The following ZNF100 variants were observed in gnomAD, a reference collection of about 807,000 sequenced individuals.
ZNF100 encodes the protein zinc finger protein 100, also known as zinc finger protein 100 (Y1).
A neutral mutation model predicts 15.8 loss-of-function variants in ZNF100; 12 were observed. The ratio of observed to expected loss-of-function variants is 0.76; its 90% CI spans 0.49 to 1.23. The LOEUF is 1.23. Ranked by LOEUF, ZNF100 falls within the 50% of genes most tolerant of loss-of-function variation. ZNF100 has a pLI of 0.00. For missense variants in ZNF100, 670 were observed against 635.6 expected (o/e 1.05, Z -0.58); for synonymous variants, 226 against 214.8 (o/e 1.05, Z -0.45).
rs2036549073 is a variant in ZNF100 at position 21,765,780 on chromosome 19, G to C, written c.10C>G (p.Pro4Ala). ...TTGAGAGGACACATTCCATACCTCG[G>C]GTCATCCTACGGGAGAAAATAAACC... MDD[P>A]RYGMCPLKGA... The change falls in exon 2 of 5, where the codon CCG (proline) becomes GCG (alanine). Residue 4 changes from proline (P) to alanine (A), a missense_variant. Transcript: ENST00000358296. The C allele has an allele frequency of 6.2e-7, 1 of 1,614,008 alleles. No individual in the cohort carries two copies. Among genetic ancestry groups the C allele is most frequent in the African/African-American group, 1.3e-5 (1 of 75,014 alleles).
rs532462283 is a variant in ZNF100, at chr19:21,740,754, T to C, written c.322+3263A>G. On this transcript the variant is annotated intron_variant, in intron 4 of 4. Transcript: ENST00000358296. ...CTCACATCCATTACAATGGCCACTATAAATTTTTTAAAGACGCCAACTCTG... is the reference window on the plus strand; with the variant it reads ...CTCACATCCATTACAATGGCCACTACAAATTTTTTAAAGACGCCAACTCTG... Among the ~76,000 whole-genome samples, 21 of 152,268 alleles carry C rather than the reference T, an allele frequency of 1.4e-4. 1 individual carries two copies. Among genetic ancestry groups the C allele is most frequent in the East Asian group, 1.2e-3 (6 of 5,156 alleles).
chr19:21,736,330 C>T (rs2036008460), intron 4 of ZNF100, among the ~76,000 whole-genome samples: 1 of 152,168 alleles, frequency 6.6e-6, no homozygotes, highest in Non-Finnish European at 1.5e-5. Context: ...GGGGATCTGC[C>T]TGCCTTGGCC....
At chr19:21,764,498 C>T (rs1253967213) in intron 2 of ZNF100, among the ~76,000 whole-genome samples, 2 of 151,880 alleles carry the variant, frequency 1.3e-5, no homozygotes, top group African/African-American at 4.8e-5. Context: ...AAAAATTAGC[C>T]GGGCATAGTG....
chr19:21,733,441 GATTAC>G (rs764070685), intron 4 of ZNF100, among the ~76,000 whole-genome samples: 101 of 152,064 alleles, frequency 6.6e-4, no homozygotes, highest in Non-Finnish European at 1.1e-3. Context: ...ATTTCAAGAT[GATTAC>G]ATTATACTTC....
chr19:21,737,646 T>C (rs1321364787), intron 4 of ZNF100, among the ~76,000 whole-genome samples: 1 of 149,658 alleles, frequency 6.7e-6, no homozygotes, highest in East Asian at 2.0e-4. Context: ...GATAAATTAC[T>C]GGACATCTAC....
At chr19:21,735,932 G>A (rs1342738852) in intron 4 of ZNF100, among the ~76,000 whole-genome samples, 1 of 152,050 alleles carries the variant, frequency 6.6e-6, no homozygotes, top group Non-Finnish European at 1.5e-5. Flanking sequence ...GGGACTACAG[G>A]TGCCCGCCAC....
chr19:21,759,130 A>T (rs1441773953), intron 2 of ZNF100, among the ~76,000 whole-genome samples: 2 of 152,162 alleles, frequency 1.3e-5, no homozygotes, highest in African/African-American at 4.8e-5. Flanking sequence ...CAAACCCCAT[A>T]GGCCCATCTA....
At position 21,726,637 on chromosome 19, in the gene ZNF100, A is replaced by C. The variant is rs1599612888; in HGVS notation, c.*46T>G. On this transcript the variant is annotated 3_prime_UTR_variant, in exon 5 of 5. Coordinates refer to ENST00000358296, the MANE Select transcript of ZNF100 (RefSeq NM_173531.4). ...AGTTCCCTCCAGTATGAATTTTTTT[A>C]TGTTTAGTAAGAGTTGAGGACTGGT... is the stretch of plus-strand genomic sequence containing the variant. 1.6e-6 allele frequency: 2 copies of C among 1,282,372 alleles called. No homozygotes were observed. Among genetic ancestry groups the C allele is most frequent in the Non-Finnish European group, 2.1e-6 (2 of 940,386 alleles). The allele number at this position is 1,282,372 out of a possible 1,614,324, so 79.4% of individuals were successfully genotyped here.
At chr19:21,744,839 C>G (rs2036182519) in intron 3 of ZNF100, 102 bp downstream of exon 3, 2 of 1,540,054 alleles carry the variant, frequency 1.3e-6, no homozygotes, top group East Asian at 4.6e-5. Flanking sequence ...AAAAACGGAT[C>G]AGAAACTCAT....
chr19:21,760,316 A>C (rs1265599177), intron 2 of ZNF100, among the ~76,000 whole-genome samples: 1 of 151,968 alleles, frequency 6.6e-6, no homozygotes, highest in Non-Finnish European at 1.5e-5. Flanking sequence ...AACATGGTGA[A>C]ACCCCGTCTC....
intron 2 of ZNF100, among the ~76,000 whole-genome samples, chr19:21,756,852 C>T (rs1025915612): frequency 1.3e-5 from 2 of 152,084 alleles, no homozygotes; most frequent in East Asian, 1.9e-4. Flanking sequence ...TACAGGGCTA[C>T]GATAACCAAA....
intron 2 of ZNF100, among the ~76,000 whole-genome samples, chr19:21,763,546 C>A (rs1389867461): frequency 6.6e-6 from 1 of 152,132 alleles, no homozygotes; most frequent in Non-Finnish European, 1.5e-5. Flanking sequence ...GCCGAGATTG[C>A]ACCACTGCAC....
At chr19:21,732,217 C>G (rs2035932808) in intron 4 of ZNF100, among the ~76,000 whole-genome samples, 1 of 151,962 alleles carries the variant, frequency 6.6e-6, no homozygotes. Flanking sequence ...TAAAAATGAA[C>G]AATTAATACC....
intron 4 of ZNF100, among the ~76,000 whole-genome samples, chr19:21,736,010 G>A (rs538360527): frequency 4.6e-5 from 7 of 152,056 alleles, no homozygotes; most frequent in Admixed American, 1.3e-4. Flanking sequence ...GGATGGTCTC[G>A]ATCTCCCGAC....
chr19:21,756,880 CAA>C (rs2036400572), intron 2 of ZNF100, among the ~76,000 whole-genome samples: 1 of 152,096 alleles, frequency 6.6e-6, no homozygotes, highest in Non-Finnish European at 1.5e-5. Context: ...AATACTGATG[CAA>C]AAAGAGATGC....
At chr19:21,750,433 G>A (rs1015136023) in intron 2 of ZNF100, 1 of 152,216 alleles carries the variant, frequency 6.6e-6, no homozygotes, top group African/African-American at 2.4e-5. Flanking sequence ...GAGGAGCACT[G>A]ATGTGAAAAA....
intron 4 of ZNF100, among the ~76,000 whole-genome samples, chr19:21,734,306 C>T (rs8107589): frequency 1 from 152,175 of 152,276 alleles, 76,037 homozygotes; most frequent in Non-Finnish European, 1. Flanking sequence ...GCAAAAAAGC[C>T]AGGAACCATG....
chr19:21,744,249 C>A, intron 3 of ZNF100, 134 bp from the exon 4 acceptor site: 1 of 828,734 alleles, frequency 1.2e-6, no homozygotes, highest in Non-Finnish European at 1.6e-6. Flanking sequence ...AGAGAAATTT[C>A]TAAATATTTA....
At position 21,734,367 on chromosome 19, in the gene ZNF100, TA is replaced by T. The variant is rs996479397; in HGVS notation, c.323-6379del. Among the ~76,000 whole-genome samples, 34 of 151,918 alleles carry T rather than the reference TA, an allele frequency of 2.2e-4. 1 individual carries two copies. Among genetic ancestry groups the T allele is most frequent in the African/African-American group, 6.0e-4 (25 of 41,338 alleles). On this transcript the variant is annotated intron_variant, in intron 4 of 4. Coordinates refer to ENST00000358296, the MANE Select transcript of ZNF100 (RefSeq NM_173531.4). ...CGAATAACCAGTTTAGAGAGGAACA[TA>T]AACGACCTGATGCAACTGAAAAACA...
Sources: gnomAD v4.1 joint callset for allele counts (sites outside exome capture counted in the v4.1 genomes callset) on GRCh38, gnomAD v4.1.1 for gene constraint, MANE v1.5 for transcripts, NCBI Gene and HGNC (gene_info 2026-07-23, HGNC 2026-07-21) for gene names.